The following GALNT14 variants were observed in gnomAD, a reference collection of about 807,000 sequenced individuals.
GALNT14 encodes the protein UDP-GalNAc:polypeptide N-acetylgalactosaminyltransferase 14.
Under a neutral mutation model 77.5 loss-of-function variants are expected in GALNT14, and 60 were observed. The ratio of observed to expected loss-of-function variants is 0.77; its 90% CI spans 0.63 to 0.96. The LOEUF (loss-of-function observed/expected upper bound fraction) is 0.96. GALNT14 is among the 40% of genes least tolerant of loss of function. The probability of loss-of-function intolerance (pLI) is 0.00; values close to 1 mark genes in which losing one functional copy is unlikely to be tolerated. For missense variants in GALNT14, 710 were observed against 731.0 expected, an observed-to-expected ratio of 0.97 and a Z score of 0.33; for synonymous variants, 280 against 281.7, an observed-to-expected ratio of 0.99 and a Z score of 0.06.
chr2:30,974,311 T>A (rs1311951393), intron 2 of GALNT14, among the ~76,000 whole-genome samples: 1 of 152,266 alleles, frequency 6.6e-6, no homozygotes, highest in African/African-American at 2.4e-5. Context: ...TTTTCTAGAT[T>A]ACTGCAGCAA....
rs748122751 is a variant in GALNT14 at position 30,912,286 on chromosome 2, G to T, written c.1437C>A (p.Val479=). 4 of 1,614,154 alleles carry T rather than the reference G, an allele frequency of 2.5e-6. No individual in the cohort carries two copies. Among genetic ancestry groups the T allele is most frequent in the Non-Finnish European group, 3.4e-6 (4 of 1,180,018 alleles). Residue 479 remains valine (V), a synonymous_variant, in exon 14 of 15, where the codon GTC becomes GTA. Coordinates refer to ENST00000349752, the MANE Select transcript of GALNT14 (RefSeq NM_024572.4). ...QILQEELCLS[V]ITLFPGAPVV... ...CTGGGGCGCCAGGGAACAAGGTGAT[G>T]ACTGACAGGCACAGCTCCTCCTGGA...
At chr2:30,889,515 A>G in the GALNT14 span, among the ~76,000 whole-genome samples, 3 of 152,226 alleles carry the variant, frequency 2.0e-5, no homozygotes, top group Non-Finnish European at 4.4e-5. Context: ...CTTTGTATAG[A>G]ACCCCACTGC....
intron 4 of GALNT14, among the ~76,000 whole-genome samples, chr2:30,957,399 C>T (rs193007947): frequency 6.6e-6 from 1 of 152,228 alleles, no homozygotes; most frequent in East Asian, 1.9e-4. Flanking sequence ...TTAACCACTG[C>T]TATTCTGCTT....
At chr2:31,075,602 G>C (rs1675725210) in intron 1 of GALNT14, among the ~76,000 whole-genome samples, 1 of 152,234 alleles carries the variant, frequency 6.6e-6, no homozygotes, top group African/African-American at 2.4e-5. Context: ...CCTACGCCCA[G>C]CTCTGAGAGT....
the GALNT14 span, among the ~76,000 whole-genome samples, chr2:30,895,438 C>T: frequency 1.3e-5 from 2 of 152,190 alleles, no homozygotes; most frequent in African/African-American, 4.8e-5. Context: ...TCCCACAGCC[C>T]TCCTGCTGGG....
intron 8 of GALNT14, among the ~76,000 whole-genome samples, 176 bp downstream of exon 8, chr2:30,944,682 A>G (rs1353410281): frequency 2.0e-5 from 3 of 152,134 alleles, no homozygotes; most frequent in African/African-American, 4.8e-5. Context: ...CCCCTTAGCA[A>G]GAAGTCCCCA....
At chr2:30,969,371 G>A (rs1668202701) in intron 2 of GALNT14, among the ~76,000 whole-genome samples, 1 of 152,176 alleles carries the variant, frequency 6.6e-6, no homozygotes, top group Admixed American at 6.5e-5. Flanking sequence ...GGGAGGCAGG[G>A]GGACCACACA....
At chr2:31,076,370 G>A (rs1460727640) in intron 1 of GALNT14, among the ~76,000 whole-genome samples, 1 of 152,218 alleles carries the variant, frequency 6.6e-6, no homozygotes, top group South Asian at 2.1e-4. Context: ...GCCACCCAAT[G>A]TCTCATCCAC....
At chr2:30,930,190 T>A (rs1054166382) in intron 10 of GALNT14, among the ~76,000 whole-genome samples, 3 of 152,194 alleles carry the variant, frequency 2.0e-5, no homozygotes, top group Non-Finnish European at 4.4e-5. Flanking sequence ...TGGCATCCCT[T>A]CACTGCCAGT....
intron 1 of GALNT14, among the ~76,000 whole-genome samples, chr2:31,100,699 T>C (rs1677226584): frequency 2.0e-5 from 2 of 101,480 alleles, no homozygotes; most frequent in South Asian, 5.3e-4. Context: ...TGTTTTAGCC[T>C]GTTAAAAAAA....
intron 11 of GALNT14, among the ~76,000 whole-genome samples, 166 bp from the exon 12 acceptor site, chr2:30,924,989 C>G (rs538876056): frequency 2.0e-5 from 3 of 152,242 alleles, no homozygotes; most frequent in African/African-American, 7.2e-5. Flanking sequence ...GAACAGATTT[C>G]TATAACTGCA....
chr2:30,935,921 C>G (rs1174694548), intron 9 of GALNT14, among the ~76,000 whole-genome samples: 2 of 152,140 alleles, frequency 1.3e-5, no homozygotes, highest in African/African-American at 4.8e-5. Context: ...GCTGCAGCAC[C>G]TGCACAGTCA....
At chr2:30,998,104 A>C (rs1378666488) in intron 1 of GALNT14, among the ~76,000 whole-genome samples, 2 of 152,262 alleles carry the variant, frequency 1.3e-5, no homozygotes. Flanking sequence ...AGCCAGGCAC[A>C]GAAAGACTAA....
chr2:30,948,527 A>C (rs772373113), intron 6 of GALNT14, among the ~76,000 whole-genome samples: 1 of 152,214 alleles, frequency 6.6e-6, no homozygotes, highest in Non-Finnish European at 1.5e-5. Flanking sequence ...ACCCAATAAA[A>C]ACCCTGGATA....
intron 1 of GALNT14, among the ~76,000 whole-genome samples, chr2:31,122,938 T>C (rs1678486889): frequency 6.6e-6 from 1 of 152,110 alleles, no homozygotes; most frequent in South Asian, 2.1e-4. Context: ...TCCCAGCACT[T>C]TGGGAGGCCG....
chr2:31,127,794 G>T (rs1003224571), intron 1 of GALNT14, among the ~76,000 whole-genome samples: 4 of 152,194 alleles, frequency 2.6e-5, no homozygotes, highest in African/African-American at 9.7e-5. Flanking sequence ...TTTAAGACAG[G>T]CAGGGAGAAT....
At chr2:30,891,163 G>C in the GALNT14 span, among the ~76,000 whole-genome samples, 3 of 152,230 alleles carry the variant, frequency 2.0e-5, no homozygotes, top group Admixed American at 2.0e-4. Context: ...GGGAGGAAAG[G>C]GCACACAGAC....
At chr2:31,114,963 C>T in intron 1 of GALNT14, 2 of 614,264 alleles carry the variant, frequency 3.3e-6, no homozygotes, top group Non-Finnish European at 5.9e-6. Flanking sequence ...GAAAACCATC[C>T]AGGCCAGGCA....
intron 1 of GALNT14, among the ~76,000 whole-genome samples, chr2:31,062,711 T>A (rs1674681778): frequency 6.6e-6 from 1 of 150,732 alleles, no homozygotes; most frequent in Non-Finnish European, 1.5e-5. Context: ...CTCCACATCC[T>A]CTCCAGTATC....
Sources: gnomAD v4.1 joint callset for allele counts (sites outside exome capture counted in the v4.1 genomes callset) on GRCh38, gnomAD v4.1.1 for gene constraint, MANE v1.5 for transcripts, NCBI Gene and HGNC (gene_info 2026-07-23, HGNC 2026-07-21) for gene names.